The following SLC26A4 variants were observed in gnomAD, a reference collection of about 807,000 sequenced individuals.
The protein encoded by SLC26A4 is solute carrier family 26 member 4.
Under a neutral mutation model 90.4 loss-of-function variants are expected in SLC26A4, and 93 were observed. The ratio of observed to expected loss-of-function variants is 1.03; its 90% CI spans 0.87 to 1.22. The LOEUF is 1.22. Ranked by LOEUF, SLC26A4 falls within the 50% of genes most tolerant of loss-of-function variation. SLC26A4 has a pLI of 0.00. For synonymous variants in SLC26A4, 393 were observed against 354.6 expected, an observed-to-expected ratio of 1.11 and a Z score of -1.22; for missense variants, 1,127 against 946.2, an observed-to-expected ratio of 1.19 and a Z score of -2.51.
Position 107,717,477 on chromosome 7 carries a change from G to A in SLC26A4, c.*2031G>A, listed in dbSNP as rs887377091. ...CACTGCTCACTTTTTTGAAGGAAAT[G>A]CCAAAGTTACGTTTTACAACAAGGC... On this transcript the variant is annotated 3_prime_UTR_variant, in exon 21 of 21. Transcript: ENST00000644269. 1 of 151,982 alleles carries A rather than the reference G, an allele frequency of 6.6e-6. No homozygotes were observed. Among genetic ancestry groups the A allele is most frequent in the African/African-American group, 2.4e-5 (1 of 41,266 alleles). The allele number at this position is 151,982 out of a possible 1,614,324, so 9.4% of individuals were successfully genotyped here.
intron 6 of SLC26A4, among the ~76,000 whole-genome samples, chr7:107,676,650 T>G (rs73421435): frequency 0.057 from 8,614 of 152,248 alleles, 433 homozygotes; most frequent in African/African-American, 0.14. Context: ...ACATTAAGAA[T>G]GGAGTTTGAG....
chr7:107,668,542 G>C (rs1790779181), intron 3 of SLC26A4, among the ~76,000 whole-genome samples: 1 of 152,184 alleles, frequency 6.6e-6, no homozygotes, highest in African/African-American at 2.4e-5. Flanking sequence ...GAGAAGACCA[G>C]CTCAGGTTAC....
Position 107,701,149 on chromosome 7 carries a change from AG to A in SLC26A4, c.1758del (p.Ile588TyrfsTer4). 1 of 1,611,286 alleles carries A rather than the reference AG, an allele frequency of 6.2e-7. No individual in the cohort carries two copies. ...ATATAATAAGAGGCTGAAAGCGCTG[AG>A]GAAAATACAGAAACTAATAAAAAGT... The part of the protein sequence containing the change: ...RVYNKRLKAL[R>X]KIQKLIKSGQ... On this transcript the variant is annotated frameshift_variant, in exon 16 of 21. Transcript: ENST00000644269. LOFTEE classifies it high-confidence loss of function.
At chr7:107,665,322 A>G (rs1310086827) in intron 3 of SLC26A4, among the ~76,000 whole-genome samples, 1 of 152,236 alleles carries the variant, frequency 6.6e-6, no homozygotes, top group Admixed American at 6.5e-5. Context: ...AGGATGGCCT[A>G]TGAACCCAGG....
chr7:107,689,580 C>A (rs1791512475), intron 9 of SLC26A4, among the ~76,000 whole-genome samples: 1 of 152,046 alleles, frequency 6.6e-6, no homozygotes, highest in East Asian at 1.9e-4. Context: ...TAGTTGTGAC[C>A]ACTTTAAATT....
At chr7:107,672,998 A>C (rs1286701126) in intron 4 of SLC26A4, among the ~76,000 whole-genome samples, 1 of 152,194 alleles carries the variant, frequency 6.6e-6, no homozygotes, top group African/African-American at 2.4e-5. Flanking sequence ...CTTTATCCCC[A>C]ACCCATGTTT....
chr7:107,715,335 A>C, intron 20 of SLC26A4, 88 bp from the exon 21 acceptor site: 1 of 1,022,560 alleles, frequency 9.8e-7, no homozygotes. Context: ...AGCAATCAAT[A>C]CTATAAAAAC....
chr7:107,715,609 T>A lies in SLC26A4; in HGVS notation c.*163T>A, dbSNP rs1792327079. Reference sequence around the variant, plus strand: ...GGCTTTATTTATAAAATAAACACCTTATCCCTAACATGGGCAAAATGGCTA... The same window carrying A: ...GGCTTTATTTATAAAATAAACACCTAATCCCTAACATGGGCAAAATGGCTA... On this transcript the variant is annotated 3_prime_UTR_variant, in exon 21 of 21. Coordinates refer to ENST00000644269, the MANE Select transcript of SLC26A4 (RefSeq NM_000441.2). 2 of 688,266 alleles carry A rather than the reference T, an allele frequency of 2.9e-6. No individual in the cohort carries two copies. Among genetic ancestry groups the A allele is most frequent in the Non-Finnish European group, 5.3e-6 (2 of 377,550 alleles). The allele number at this position is 688,266 out of a possible 1,614,324, so 42.6% of individuals were successfully genotyped here.
At chr7:107,701,241 C>A in intron 16 of SLC26A4, 45 bp downstream of exon 16, 1 of 1,206,388 alleles carries the variant, frequency 8.3e-7, no homozygotes, top group Non-Finnish European at 1.2e-6. Context: ...TTTCCTTTCC[C>A]TGATGAGAGC....
chr7:107,671,194 G>T (rs568406899), intron 3 of SLC26A4, among the ~76,000 whole-genome samples: 1 of 152,164 alleles, frequency 6.6e-6, no homozygotes, highest in Non-Finnish European at 1.5e-5. Flanking sequence ...ATAAGGTCTT[G>T]CTCTGTTGCC....
chr7:107,698,106 A>G lies in SLC26A4; in HGVS notation c.1609A>G (p.Lys537Glu). The change falls in exon 14 of 21, where the codon AAA becomes GAA. Residue 537 changes from lysine (K) to glutamate (E), a missense_variant. By Grantham distance (56) the Lys-to-Glu change is moderately conservative. Coordinates refer to ENST00000644269, the MANE Select transcript of SLC26A4 (RefSeq NM_000441.2). ...TDIYKSTKNYKNIEEPQGVKI... is the reference protein window; with the variant it reads ...TDIYKSTKNYENIEEPQGVKI... Reference sequence around the variant, plus strand: ...TATCTACAAAAGTACCAAGAATTACAAAAACGTAAGTACCTTTGTGAGACA... The same window carrying G: ...TATCTACAAAAGTACCAAGAATTACGAAAACGTAAGTACCTTTGTGAGACA... The G allele has an allele frequency of 6.2e-7, 1 of 1,601,682 alleles. No homozygotes were observed. The highest frequency in any genetic ancestry group is 1.1e-5 in the South Asian group (1 of 90,852).
chr7:107,684,204 C>T (rs1364766039), intron 8 of SLC26A4, among the ~76,000 whole-genome samples: 1 of 152,196 alleles, frequency 6.6e-6, no homozygotes, highest in Non-Finnish European at 1.5e-5. Flanking sequence ...AGACACCCTA[C>T]ACCATAATTT....
chr7:107,674,878 T>C (rs1790978496), intron 5 of SLC26A4, 67 bp from the exon 6 acceptor site: 1 of 1,466,232 alleles, frequency 6.8e-7, no homozygotes, highest in Admixed American at 1.7e-5. Context: ...CTTGATGTAA[T>C]ATTTCCAGAG....
At chr7:107,686,405 TTTTC>T (rs774114215) in intron 8 of SLC26A4, among the ~76,000 whole-genome samples, 4,876 of 82,516 alleles carry the variant, frequency 0.059, 125 homozygotes, top group Middle Eastern at 0.1. Flanking sequence ...TCTCTCTCTT[TTTTC>T]TTTCTTTCTT....
At chr7:107,687,469 C>A (rs749557209) in intron 8 of SLC26A4, among the ~76,000 whole-genome samples, 140 of 152,142 alleles carry the variant, frequency 9.2e-4, no homozygotes, top group Non-Finnish European at 1.6e-3. Context: ...TGTGTAGACA[C>A]TAATTACTTA....
intron 20 of SLC26A4, among the ~76,000 whole-genome samples, chr7:107,713,582 T>C (rs1180236663): frequency 2.0e-5 from 3 of 152,216 alleles, no homozygotes; most frequent in Admixed American, 6.5e-5. Flanking sequence ...AGTGCTTCTC[T>C]GGTCACGATG....
chr7:107,715,483 A>G lies in SLC26A4; in HGVS notation c.*37A>G. ...GGAGGTCTCTATGAGCAAGGAATAC[A>G]AGACAAAACTTCCTCAATGCATTGA... On this transcript the variant is annotated 3_prime_UTR_variant, in exon 21 of 21. Transcript: ENST00000644269. 6.5e-7 allele frequency: 1 copy of G among 1,535,102 alleles called. No individual in the cohort carries two copies. Among genetic ancestry groups the G allele is most frequent in the Non-Finnish European group, 9.0e-7 (1 of 1,107,854 alleles).
chr7:107,673,943 C>A (rs1790941830), intron 4 of SLC26A4, among the ~76,000 whole-genome samples: 1 of 152,020 alleles, frequency 6.6e-6, no homozygotes. Flanking sequence ...GTTGCTTAGG[C>A]TGGTCTGGAA....
At chr7:107,713,838 A>AACTAC (rs1486000473) in intron 20 of SLC26A4, among the ~76,000 whole-genome samples, 1 of 152,094 alleles carries the variant, frequency 6.6e-6, no homozygotes, top group Admixed American at 6.5e-5. Context: ...CCTAATACAG[A>AACTAC]ACTACACCTA....
Sources: allele counts gnomAD v4.1 joint callset (sites outside exome capture counted in the v4.1 genomes callset), GRCh38; gene constraint gnomAD v4.1.1; transcripts MANE v1.5; gene names NCBI Gene and HGNC (gene_info 2026-07-23, HGNC 2026-07-21).